TSHR: variants seen among roughly 807,000 people sequenced by gnomAD.
The protein encoded by TSHR is thyroid stimulating hormone receptor.
Under a neutral mutation model 64.1 loss-of-function variants are expected in TSHR, and 51 were observed. The observed-to-expected ratio is 0.80, with a 90% confidence interval of 0.64 to 1.01. The LOEUF is 1.01. TSHR is among the 50% of genes least tolerant of loss of function. The pLI is 0.00. For synonymous variants in TSHR, 361 were observed against 361.9 expected (o/e 1.00, Z 0.03); for missense variants, 877 against 942.8 (o/e 0.93, Z 0.91).
rs866992303 is a variant in TSHR, at chr14:81,103,481, T to A, written c.615-4894T>A. ...CCTCATTTACACTCATTTTTTAAAATGTAACTGAATAATACAATTACAGCC... is the reference window on the plus strand; with the variant it reads ...CCTCATTTACACTCATTTTTTAAAAAGTAACTGAATAATACAATTACAGCC... On this transcript the variant is annotated intron_variant, in intron 7 of 9. Transcript: ENST00000298171. The surrounding 1 kb of genome is among the most constrained non-coding windows in gnomAD (Gnocchi z 4.1). 3.1e-5 allele frequency: 31 copies of A among 985,494 alleles called. No individual in the cohort carries two copies. The highest frequency in any genetic ancestry group is 5.2e-4 in the Middle Eastern group (1 of 1,914). 61.0% of individuals were successfully genotyped at this position (985,494 alleles called of 1,614,324 possible).
intron 3 of TSHR, among the ~76,000 whole-genome samples, chr14:81,071,259 A>C (rs1361340479): frequency 6.6e-6 from 1 of 152,192 alleles, no homozygotes; most frequent in East Asian, 1.9e-4. Context: ...CTTAGAAGTA[A>C]AATGCTTTAT....
chr14:81,034,714 G>T (rs2139829344), intron 1 of TSHR, among the ~76,000 whole-genome samples: 1 of 152,290 alleles, frequency 6.6e-6, no homozygotes, highest in Middle Eastern at 3.4e-3. Context: ...AAAGCAGAAA[G>T]ACCAGAAATA....
chr14:81,018,843 C>T (rs1253985737), intron 1 of TSHR, among the ~76,000 whole-genome samples: 1 of 152,078 alleles, frequency 6.6e-6, no homozygotes, highest in African/African-American at 2.4e-5. Flanking sequence ...TCCCAGAAAA[C>T]ATTTCAAAAC....
intron 7 of TSHR, chr14:81,104,133 A>G (rs372557370): frequency 6.1e-6 from 6 of 985,306 alleles, no homozygotes; most frequent in East Asian, 2.3e-4. Flanking sequence ...CCCTCTGCCT[A>G]TTGAGAGCTT....
chr14:80,997,663 C>T (rs371120115), intron 1 of TSHR, among the ~76,000 whole-genome samples: 5 of 152,042 alleles, frequency 3.3e-5, no homozygotes, highest in South Asian at 4.1e-4. Flanking sequence ...AACAACCTCA[C>T]GGTATTCACA....
intron 1 of TSHR, among the ~76,000 whole-genome samples, chr14:80,986,826 A>G (rs1419767204): frequency 6.6e-6 from 1 of 152,190 alleles, no homozygotes; most frequent in Non-Finnish European, 1.5e-5. Context: ...ATTATATATT[A>G]ATTTGTCTGT....
At chr14:81,095,035 G>A (rs1474792241) in intron 6 of TSHR, among the ~76,000 whole-genome samples, 3 of 152,080 alleles carry the variant, frequency 2.0e-5, no homozygotes, top group Non-Finnish European at 4.4e-5. Context: ...ACTTTCCTGT[G>A]TGCTTCTTAT....
chr14:80,983,326 G>C, intron 1 of TSHR: 1 of 1,106,144 alleles, frequency 9.0e-7, no homozygotes, highest in Non-Finnish European at 1.3e-6. Context: ...ATTGTTGCCG[G>C]TGACTTTTCA....
intron 8 of TSHR, among the ~76,000 whole-genome samples, chr14:81,124,111 A>C (rs1276919315): frequency 6.6e-6 from 1 of 152,212 alleles, no homozygotes; most frequent in African/African-American, 2.4e-5. Flanking sequence ...TTGAGTTTTC[A>C]TTACAGGTAT....
intron 8 of TSHR, among the ~76,000 whole-genome samples, chr14:81,129,172 C>A (rs891167829): frequency 6.6e-6 from 1 of 152,172 alleles, no homozygotes; most frequent in African/African-American, 2.4e-5. Context: ...TGACCAATGA[C>A]TACAAAGCCT....
chr14:81,111,143 G>A (rs140628638), intron 8 of TSHR, among the ~76,000 whole-genome samples: 1 of 152,166 alleles, frequency 6.6e-6, no homozygotes, highest in Non-Finnish European at 1.5e-5. Flanking sequence ...GACCAATAGT[G>A]TAGACCAGAA....
At position 81,144,270 on chromosome 14, in the gene TSHR, G is replaced by A. The variant is rs1891844286; in HGVS notation, c.2212G>A (p.Val738Ile). The change falls in exon 10 of 10, where the codon GTC becomes ATC. Residue 738 changes from valine (V) to isoleucine (I), a missense_variant. Val to Ile is a conservative substitution (Grantham distance 29, BLOSUM62 3). Transcript: ENST00000298171. The part of the protein sequence containing the change: ...MRQGLHNMED[V>I]YELIENSHLT... ...GCAGGGTCTCCACAACATGGAAGAT[G>A]TCTATGAACTGATTGAAAACTCCCA... The A allele has an allele frequency of 6.2e-7, 1 of 1,614,106 alleles. No individual in the cohort carries two copies. Among genetic ancestry groups the A allele is most frequent in the Admixed American group, 1.7e-5 (1 of 60,004 alleles).
intron 8 of TSHR, among the ~76,000 whole-genome samples, chr14:81,125,220 T>G (rs144763570): frequency 1.4e-3 from 213 of 152,288 alleles, no homozygotes; most frequent in African/African-American, 4.9e-3. Context: ...TGAGATGGGC[T>G]TCAGGTGAGG....
chr14:81,022,315 GT>G (rs1375941177), intron 1 of TSHR, among the ~76,000 whole-genome samples: 4 of 152,104 alleles, frequency 2.6e-5, no homozygotes, highest in African/African-American at 9.7e-5. Context: ...AGTAATTACT[GT>G]GGGCATGATA....
chr14:81,071,493 G>A (rs1887063397), intron 3 of TSHR, among the ~76,000 whole-genome samples: 1 of 151,646 alleles, frequency 6.6e-6, no homozygotes. Context: ...GTTTCTTTTG[G>A]GACATCTTCA....
chr14:80,961,301 G>A (rs1887016211), intron 1 of TSHR, among the ~76,000 whole-genome samples: 1 of 152,232 alleles, frequency 6.6e-6, no homozygotes, highest in East Asian at 1.9e-4. Context: ...TCTAGTGTGG[G>A]AGCTGCATAT....
At chr14:81,029,407 G>A (rs1005773801) in intron 1 of TSHR, among the ~76,000 whole-genome samples, 10 of 152,176 alleles carry the variant, frequency 6.6e-5, no homozygotes, top group Admixed American at 6.5e-4. Context: ...GCATGATAGT[G>A]AAGGGAGAAA....
At chr14:81,052,062 TTGTCTAATTTTGCTTTTGTTGCC>T (rs2139868981) in intron 1 of TSHR, 1 of 152,266 alleles carries the variant, frequency 6.6e-6, no homozygotes, top group South Asian at 2.1e-4. Flanking sequence ...GCAATCCCAA[TTGTCTAATTTTGCTTTTGTTGCC>T]TCTGCTTTGG....
chr14:81,096,010 A>T (rs1401534464), intron 6 of TSHR, among the ~76,000 whole-genome samples: 2 of 150,228 alleles, frequency 1.3e-5, no homozygotes, highest in Non-Finnish European at 3.0e-5. Flanking sequence ...AGTGTACTCC[A>T]GCCTGGGTGA....
Sources: allele counts gnomAD v4.1 joint callset (sites outside exome capture counted in the v4.1 genomes callset), GRCh38; gene constraint gnomAD v4.1.1; non-coding constraint Gnocchi (gnomAD v3.1); transcripts MANE v1.5; gene names NCBI Gene and HGNC (gene_info 2026-07-23, HGNC 2026-07-21).